The following ADGRL3 variants were observed in gnomAD, a reference collection of about 807,000 sequenced individuals.
ADGRL3 encodes the protein adhesion G protein-coupled receptor L3.
Under a neutral mutation model 153.5 loss-of-function variants are expected in ADGRL3, and 62 were observed. That is an observed-to-expected ratio of 0.40 (90% CI 0.33 to 0.50). ADGRL3 has a LOEUF of 0.50. Among genes scored for constraint, ADGRL3 ranks in the 20% least tolerant of loss-of-function variants. The pLI, the probability that ADGRL3 is intolerant of heterozygous loss-of-function variation, is 0.47. For missense variants in ADGRL3, 1,641 were observed against 1,859.4 expected, an observed-to-expected ratio of 0.88 and a Z score of 2.16; for synonymous variants, 710 against 672.5, an observed-to-expected ratio of 1.06 and a Z score of -0.86.
intron 2 of ADGRL3, among the ~76,000 whole-genome samples, chr4:61,452,651 C>A (rs527909824): frequency 6.6e-6 from 1 of 152,020 alleles, no homozygotes; most frequent in African/African-American, 2.4e-5. Context: ...ATATATAAGT[C>A]GAATCCTCTA....
chr4:61,914,543 G>A (rs1248817177), intron 13 of ADGRL3, among the ~76,000 whole-genome samples: 1 of 152,060 alleles, frequency 6.6e-6, no homozygotes, highest in South Asian at 2.1e-4. Flanking sequence ...ATACATGGGA[G>A]GGGGAACTTA....
intron 6 of ADGRL3, among the ~76,000 whole-genome samples, chr4:61,713,485 T>C (rs1477239655): frequency 6.6e-6 from 1 of 151,964 alleles, no homozygotes; most frequent in Non-Finnish European, 1.5e-5. Flanking sequence ...CTTGATCTAA[T>C]TCTAGGTCTA....
chr4:61,733,207 G>C lies in ADGRL3; in HGVS notation c.1052G>C (p.Gly351Ala). The C allele has an allele frequency of 6.2e-7, 1 of 1,613,476 alleles. No individual in the cohort carries two copies. The highest frequency in any genetic ancestry group is 8.5e-7 in the Non-Finnish European group (1 of 1,179,722). The stretch of plus-strand genomic sequence containing the variant: ...ATCTATGCAACAGAACAAAACAATG[G>C]TAAAATTGTCATTAGTCAATTGAAC... Reference protein sequence around the residue: ...WVIYATEQNNGKIVISQLNPY... With the variant: ...WVIYATEQNNAKIVISQLNPY... The change falls in exon 8 of 27, where the codon GGT becomes GCT. Residue 351 changes from glycine to alanine, a missense_variant. Coordinates refer to ENST00000683033, the MANE Select transcript of ADGRL3 (RefSeq NM_001387552.1).
chr4:61,872,935 A>G (rs1012572441), intron 9 of ADGRL3, among the ~76,000 whole-genome samples: 3 of 152,250 alleles, frequency 2.0e-5, no homozygotes, highest in African/African-American at 7.2e-5. Context: ...TAAAGAAATT[A>G]CAATGCTTTC....
intron 17 of ADGRL3, among the ~76,000 whole-genome samples, chr4:61,978,748 A>G (rs965816686): frequency 6.6e-6 from 1 of 152,206 alleles, no homozygotes; most frequent in African/African-American, 2.4e-5. Context: ...TAACAGAACC[A>G]AAACATGATG....
chr4:62,019,565 CT>C (rs1553911827), intron 21 of ADGRL3, among the ~76,000 whole-genome samples: 1 of 151,858 alleles, frequency 6.6e-6, no homozygotes, highest in Admixed American at 6.6e-5. Context: ...TTCTCATTGA[CT>C]TTTTTAAGAA....
chr4:61,818,196 G>A (rs2097709903), intron 9 of ADGRL3, among the ~76,000 whole-genome samples: 1 of 152,160 alleles, frequency 6.6e-6, no homozygotes, highest in Non-Finnish European at 1.5e-5. Context: ...AGAGGCAGTA[G>A]ATAAGTACAG....
chr4:61,607,538 T>C (rs1181767634), intron 5 of ADGRL3, among the ~76,000 whole-genome samples: 3 of 152,110 alleles, frequency 2.0e-5, no homozygotes, highest in Admixed American at 6.5e-5. Flanking sequence ...AGGCGGAGGT[T>C]GCAGTGAGCC....
At chr4:61,234,670 T>C (rs557505038) in intron 1 of ADGRL3, among the ~76,000 whole-genome samples, 2 of 152,166 alleles carry the variant, frequency 1.3e-5, no homozygotes, top group East Asian at 3.9e-4. Flanking sequence ...GAGCTTAGAA[T>C]AGAAGGAAAG....
chr4:62,068,515 C>T (rs897343532), intron 26 of ADGRL3, among the ~76,000 whole-genome samples: 1 of 152,058 alleles, frequency 6.6e-6, no homozygotes, highest in African/African-American at 2.4e-5. Flanking sequence ...AAATGTGTCA[C>T]GTGCAACATA....
chr4:61,791,584 G>T (rs2097342260), intron 8 of ADGRL3, among the ~76,000 whole-genome samples: 1 of 152,188 alleles, frequency 6.6e-6, no homozygotes, highest in African/African-American at 2.4e-5. Context: ...CTGAGATCTG[G>T]AGGACAGAGG....
intron 1 of ADGRL3, among the ~76,000 whole-genome samples, chr4:61,276,972 G>A (rs2093492098): frequency 6.6e-6 from 1 of 151,960 alleles, no homozygotes; most frequent in Non-Finnish European, 1.5e-5. Flanking sequence ...TCCTGTACAA[G>A]CTTAAATTTT....
At chr4:61,612,689 A>G (rs2091515759) in intron 5 of ADGRL3, among the ~76,000 whole-genome samples, 1 of 152,174 alleles carries the variant, frequency 6.6e-6, no homozygotes, top group South Asian at 2.1e-4. Flanking sequence ...TGTTGCTAAA[A>G]CCAAAAGTGA....
At chr4:61,949,663 C>A (rs2098939574) in intron 17 of ADGRL3, among the ~76,000 whole-genome samples, 1 of 151,770 alleles carries the variant, frequency 6.6e-6, no homozygotes, top group African/African-American at 2.4e-5. Context: ...CCAGTGCACT[C>A]CAGCATGGGA....
chr4:61,407,265 T>C (rs551054335), intron 2 of ADGRL3, among the ~76,000 whole-genome samples: 1 of 152,206 alleles, frequency 6.6e-6, no homozygotes, highest in Admixed American at 6.6e-5. Flanking sequence ...AAAATTATAC[T>C]AAAGTAAGGT....
intron 13 of ADGRL3, among the ~76,000 whole-genome samples, chr4:61,930,088 A>G (rs949832694): frequency 6.6e-6 from 1 of 151,472 alleles, no homozygotes; most frequent in African/African-American, 2.4e-5. Context: ...AGGCAGGAGA[A>G]TGGCATGAAC....
intron 4 of ADGRL3, among the ~76,000 whole-genome samples, chr4:61,581,371 C>T (rs900279694): frequency 2.7e-5 from 4 of 150,740 alleles, no homozygotes; most frequent in Non-Finnish European, 1.5e-5. Context: ...CTTAAATCTC[C>T]ATCCAGGGGT....
chr4:61,874,705 A>AGG (rs2098463645), intron 9 of ADGRL3, among the ~76,000 whole-genome samples: 1 of 150,746 alleles, frequency 6.6e-6, no homozygotes, highest in African/African-American at 2.4e-5. Context: ...AACTAAGAGA[A>AGG]GGGGAGACCA....
At chr4:61,745,850 C>T (rs1285075566) in intron 8 of ADGRL3, among the ~76,000 whole-genome samples, 3 of 152,144 alleles carry the variant, frequency 2.0e-5, no homozygotes, top group African/African-American at 7.2e-5. Flanking sequence ...ATCAAATTCA[C>T]ACATAACAAT....
Sources: allele counts gnomAD v4.1 joint callset (sites outside exome capture counted in the v4.1 genomes callset), GRCh38; gene constraint gnomAD v4.1.1; transcripts MANE v1.5; gene names NCBI Gene and HGNC (gene_info 2026-07-23, HGNC 2026-07-21).